PCDHA2: variants seen among roughly 807,000 people sequenced by gnomAD.
The protein encoded by PCDHA2 is protocadherin alpha 2.
In PCDHA2, 58 loss-of-function variants were observed where a neutral mutation model predicts 66.0. The observed-to-expected ratio is 0.88, with a 90% confidence interval of 0.71 to 1.09. PCDHA2 has a LOEUF of 1.09. Among genes scored for constraint, PCDHA2 ranks in the 50% least tolerant of loss-of-function variants. The pLI is 0.00. For missense variants in PCDHA2, 1,267 were observed against 1,242.3 expected, an observed-to-expected ratio of 1.02 and a Z score of -0.30; for synonymous variants, 634 against 554.0, an observed-to-expected ratio of 1.14 and a Z score of -2.03.
At chr5:140,885,070 T>C (rs1253345040) in intron 1 of PCDHA2, among the ~76,000 whole-genome samples, 1 of 152,232 alleles carries the variant, frequency 6.6e-6, no homozygotes, top group African/African-American at 2.4e-5. Flanking sequence ...CAAGATATTA[T>C]TTTAAAGAGC....
chr5:140,982,677 C>T, intron 3 of PCDHA2, 114 bp downstream of exon 3: 1 of 1,439,238 alleles, frequency 6.9e-7, no homozygotes, highest in Non-Finnish European at 9.1e-7. Flanking sequence ...TTTTGTTATT[C>T]CCTTTTTTCC....
At chr5:140,870,912 C>T (rs1554164817) in intron 1 of PCDHA2, 1 of 1,613,952 alleles carries the variant, frequency 6.2e-7, no homozygotes, top group Admixed American at 1.7e-5. Flanking sequence ...CAGGCTACAA[C>T]GCGTGGCTTT....
At chr5:140,839,504 C>A (rs1554137483) in intron 1 of PCDHA2, among the ~76,000 whole-genome samples, 1 of 152,000 alleles carries the variant, frequency 6.6e-6, no homozygotes, top group Non-Finnish European at 1.5e-5. Flanking sequence ...ATCTTCCTAC[C>A]TCAGCCTCTC....
chr5:140,972,660 AT>A (rs11350929), intron 1 of PCDHA2, among the ~76,000 whole-genome samples: 34,850 of 117,234 alleles, frequency 0.3, 4,025 homozygotes, highest in East Asian at 0.43. Context: ...AAGAAACCAA[AT>A]TTTTTTTTTT....
intron 1 of PCDHA2, chr5:140,803,429 G>T (rs782400745): frequency 1.2e-6 from 2 of 1,614,224 alleles, no homozygotes; most frequent in Non-Finnish European, 8.5e-7. Flanking sequence ...GCTCCAGCGC[G>T]GTGGGGAGCT....
intron 1 of PCDHA2, chr5:140,849,218 G>A (rs2150433092): frequency 1.9e-6 from 2 of 1,040,734 alleles, no homozygotes; most frequent in South Asian, 3.2e-5. Context: ...ATGCCCCAGT[G>A]TTCGACAGAA....
intron 1 of PCDHA2, chr5:140,883,878 C>T: frequency 1.9e-6 from 3 of 1,613,260 alleles, no homozygotes; most frequent in Middle Eastern, 1.7e-4. Context: ...CAGGTGAGCG[C>T]GCGCGACTCT....
intron 1 of PCDHA2, chr5:140,802,505 G>T (rs376536820): frequency 1.2e-6 from 2 of 1,614,160 alleles, no homozygotes; most frequent in South Asian, 2.2e-5. Context: ...CTTCACTGTG[G>T]GCCACGGCCA....
chr5:140,883,962 T>G, intron 1 of PCDHA2: 3 of 1,613,126 alleles, frequency 1.9e-6, no homozygotes, highest in Non-Finnish European at 2.5e-6. Context: ...GCTCCGGCGC[T>G]GCTGACGCCC....
chr5:140,865,075 C>T (rs1441744566), intron 1 of PCDHA2: 2 of 152,110 alleles, frequency 1.3e-5, no homozygotes, highest in African/African-American at 4.8e-5. Flanking sequence ...AGTATAAGAA[C>T]CATGGGATAT....
chr5:140,870,590 G>T, intron 1 of PCDHA2: 2 of 1,613,564 alleles, frequency 1.2e-6, no homozygotes, highest in Non-Finnish European at 1.7e-6. Flanking sequence ...CTGGTGGAGC[G>T]GCGGTTGGGC....
chr5:140,842,983 C>T (rs1554139609), intron 1 of PCDHA2: 2 of 1,594,998 alleles, frequency 1.3e-6, no homozygotes, highest in East Asian at 2.2e-5. Context: ...TGCAGGTGTT[C>T]GTGCTGGACG....
rs782537686 is a variant in PCDHA2, at chr5:140,967,852, C to T, written c.2389-11097C>T. 13 of 1,614,142 alleles carry T rather than the reference C, an allele frequency of 8.1e-6. No homozygotes were observed. The Middle Eastern group carries it at 1.2e-3, about 143-fold the overall frequency. On this transcript the variant is annotated intron_variant, in intron 1 of 3. Transcript: ENST00000526136. ...ACATCGTGGACGTGAATGACAATGC[C>T]CCAGAGGTGGTGCTCACGGACCTGT...
intron 1 of PCDHA2, among the ~76,000 whole-genome samples, chr5:140,953,819 G>A (rs782420849): frequency 1.3e-5 from 2 of 151,904 alleles, no homozygotes; most frequent in Non-Finnish European, 1.5e-5. Context: ...GCATGTGCTA[G>A]TTGTGCAGGT....
At chr5:140,862,745 A>G (rs1403297614) in intron 1 of PCDHA2, 1 of 578,200 alleles carries the variant, frequency 1.7e-6, no homozygotes, top group Non-Finnish European at 3.3e-6. Context: ...GTGTGGGTGC[A>G]CGCGGAGAGC....
intron 1 of PCDHA2, chr5:140,801,700 T>C: frequency 6.2e-7 from 1 of 1,614,224 alleles, no homozygotes. Context: ...AATTCGTTGT[T>C]GACTTACAGT....
intron 1 of PCDHA2, among the ~76,000 whole-genome samples, chr5:140,945,375 C>T (rs1414758644): frequency 1.3e-4 from 20 of 152,006 alleles, no homozygotes; most frequent in African/African-American, 3.9e-4. Context: ...GTCCATATTA[C>T]CCAAAGCAAT....
intron 1 of PCDHA2, chr5:140,858,285 G>A (rs782182754): frequency 1.3e-6 from 2 of 1,597,520 alleles, no homozygotes; most frequent in Non-Finnish European, 8.6e-7. Flanking sequence ...GTGGGGAGCT[G>A]GTCTTACTCG....
intron 1 of PCDHA2, chr5:140,969,349 G>A (rs782345683): frequency 3.1e-5 from 50 of 1,612,958 alleles, no homozygotes; most frequent in Non-Finnish European, 4.2e-5. Context: ...AGTGGTCAGG[G>A]GGTCTTCTAC....
Sources: gnomAD v4.1 joint callset for allele counts (sites outside exome capture counted in the v4.1 genomes callset) on GRCh38, gnomAD v4.1.1 for gene constraint, MANE v1.5 for transcripts, NCBI Gene and HGNC (gene_info 2026-07-23, HGNC 2026-07-21) for gene names.